The following GREB1L variants were observed in gnomAD, a reference collection of about 807,000 sequenced individuals.
GREB1L encodes GREB1 like retinoic acid receptor coactivator, also known as GREB1-like protein.
A neutral mutation model predicts 200.8 loss-of-function variants in GREB1L; 17 were observed. The observed-to-expected ratio is 0.08, with a 90% CI of 0.06 to 0.13. The LOEUF (loss-of-function observed/expected upper bound fraction) is 0.13, where lower values mean the gene tolerates loss of function less well. Ranked by LOEUF, GREB1L falls within the 10% of genes least tolerant of loss-of-function variation. GREB1L has a pLI of 1.00. For synonymous variants in GREB1L, 789 were observed against 893.0 expected (o/e 0.88, Z 2.08); for missense variants, 1,657 against 2,367.7 (o/e 0.70, Z 6.23).
chr18:21,454,183 C>G (rs940426393), intron 14 of GREB1L, among the ~76,000 whole-genome samples, 183 bp from the exon 15 acceptor site: 4 of 152,188 alleles, frequency 2.6e-5, no homozygotes, highest in Admixed American at 2.0e-4. Flanking sequence ...ATCCTCTCAT[C>G]CACGTTTCAG....
intron 12 of GREB1L, 114 bp downstream of exon 12, chr18:21,449,950 C>T (rs2145409019): frequency 2.4e-6 from 2 of 828,384 alleles, no homozygotes; most frequent in East Asian, 5.4e-5. Flanking sequence ...TGATTAATTG[C>T]TGGAGCTTGG....
At chr18:21,519,419 G>T (rs2037534971) in intron 31 of GREB1L, among the ~76,000 whole-genome samples, 1 of 152,044 alleles carries the variant, frequency 6.6e-6, no homozygotes, top group Non-Finnish European at 1.5e-5. Context: ...TCTGATTTGT[G>T]CCACTGCATT....
intron 23 of GREB1L, 79 bp downstream of exon 23, chr18:21,500,721 G>T (rs1254565976): frequency 4.8e-6 from 5 of 1,036,276 alleles, no homozygotes; most frequent in Non-Finnish European, 7.0e-6. Flanking sequence ...ACTTGCTTTT[G>T]GCTTCTGGGA....
chr18:21,347,309 CCAA>C (rs1385511135), intron 1 of GREB1L, among the ~76,000 whole-genome samples: 1 of 151,362 alleles, frequency 6.6e-6, no homozygotes. Context: ...AACAAAAAAA[CCAA>C]CAACAACTGT....
chr18:21,404,024 G>A (rs758180072), intron 7 of GREB1L, 30 bp downstream of exon 7: 6 of 1,538,918 alleles, frequency 3.9e-6, no homozygotes, highest in Admixed American at 2.0e-5. Flanking sequence ...GGCATTTCAA[G>A]CATCACATGT....
chr18:21,431,260 A>T (rs2033132414), intron 7 of GREB1L, among the ~76,000 whole-genome samples: 1 of 151,718 alleles, frequency 6.6e-6, no homozygotes, highest in Non-Finnish European at 1.5e-5. Context: ...CCTGACCTCA[A>T]GTGATCCGCC....
intron 15 of GREB1L, among the ~76,000 whole-genome samples, chr18:21,458,789 C>A (rs78363402): frequency 0.023 from 3,523 of 152,146 alleles, 145 homozygotes; most frequent in African/African-American, 0.08. Flanking sequence ...CTGGAGTGAT[C>A]GTGGGGAAGG....
chr18:21,460,961 G>A (rs949418325), intron 15 of GREB1L, among the ~76,000 whole-genome samples: 1 of 151,786 alleles, frequency 6.6e-6, no homozygotes, highest in Non-Finnish European at 1.5e-5. Context: ...GCCAAGCAAG[G>A]TGGCATGCAC....
chr18:21,274,185 C>T (rs996674259), intron 1 of GREB1L, among the ~76,000 whole-genome samples: 1 of 152,108 alleles, frequency 6.6e-6, no homozygotes, highest in African/African-American at 2.4e-5. Context: ...TGTATCCTCA[C>T]ATGGTAGAGG....
At chr18:21,485,550 C>A (rs1334923220) in intron 17 of GREB1L, 70 bp from the exon 18 acceptor site, 235 of 1,410,202 alleles carry the variant, frequency 1.7e-4, no homozygotes, top group Non-Finnish European at 2.2e-4. Flanking sequence ...TTCTGTAAAC[C>A]CCACTTTCTG....
At chr18:21,398,410 G>C (rs2041176992) in intron 5 of GREB1L, among the ~76,000 whole-genome samples, 1 of 152,178 alleles carries the variant, frequency 6.6e-6, no homozygotes, top group Admixed American at 6.5e-5. Context: ...TCAAATGGCA[G>C]TTATTTACTA....
chr18:21,376,463 G>T (rs2040076048), intron 2 of GREB1L, among the ~76,000 whole-genome samples: 1 of 150,454 alleles, frequency 6.6e-6, no homozygotes, highest in Admixed American at 6.6e-5. Context: ...GAACTGAGGG[G>T]CCCAAAAATC....
chr18:21,397,187 G>A (rs535897646), intron 5 of GREB1L, among the ~76,000 whole-genome samples: 30 of 151,762 alleles, frequency 2.0e-4, no homozygotes, highest in Admixed American at 1.7e-3. Context: ...TTTTTTATAA[G>A]GCTCTCATAA....
intron 2 of GREB1L, among the ~76,000 whole-genome samples, chr18:21,383,041 ATT>A (rs111675467): frequency 6.6e-6 from 1 of 151,896 alleles, no homozygotes; most frequent in African/African-American, 2.4e-5. Flanking sequence ...TAAAACTTTC[ATT>A]TTTTTTCCAG....
intron 7 of GREB1L, among the ~76,000 whole-genome samples, chr18:21,420,354 A>C (rs759679878): frequency 5.4e-5 from 8 of 148,856 alleles, no homozygotes; most frequent in Non-Finnish European, 1.2e-4. Flanking sequence ...CCTGAGCGAC[A>C]GTGTGAGAGA....
At chr18:21,514,123 A>C in intron 28 of GREB1L, 137 bp downstream of exon 28, 7 of 731,820 alleles carry the variant, frequency 9.6e-6, no homozygotes, top group Non-Finnish European at 1.5e-5. Context: ...GACCACCCTC[A>C]CTAGAACATT....
intron 1 of GREB1L, among the ~76,000 whole-genome samples, chr18:21,304,790 G>A (rs1296322763): frequency 3.9e-5 from 6 of 152,124 alleles, no homozygotes; most frequent in Admixed American, 2.6e-4. Context: ...GAGGGGGAAT[G>A]GGAATGGAAA....
chr18:21,251,431 A>G (rs1165088839), intron 1 of GREB1L, among the ~76,000 whole-genome samples: 6 of 152,226 alleles, frequency 3.9e-5, no homozygotes. Flanking sequence ...ATTATACAAT[A>G]TCCTATAAAA....
intron 7 of GREB1L, among the ~76,000 whole-genome samples, chr18:21,416,779 A>C (rs1311719831): frequency 6.6e-6 from 1 of 152,044 alleles, no homozygotes; most frequent in Non-Finnish European, 1.5e-5. Flanking sequence ...TACTCCCAGC[A>C]CTTTGGGAGG....
Sources: gnomAD v4.1 joint callset for allele counts (sites outside exome capture counted in the v4.1 genomes callset) on GRCh38, gnomAD v4.1.1 for gene constraint, MANE v1.5 for transcripts, NCBI Gene and HGNC (gene_info 2026-07-23, HGNC 2026-07-21) for gene names.